The following DGCR8 variants were observed in gnomAD, a reference collection of about 807,000 sequenced individuals.
The protein encoded by DGCR8 is DGCR8 microprocessor complex subunit.
A neutral mutation model predicts 78.5 loss-of-function variants in DGCR8; 14 were observed. The observed-to-expected ratio is 0.18, with a 90% CI of 0.12 to 0.28. The LOEUF is 0.28. DGCR8 is among the 10% of genes least tolerant of loss of function. The pLI is 1.00. For missense variants in DGCR8, 702 were observed against 1,022.5 expected (o/e 0.69, Z 4.28); for synonymous variants, 399 against 402.4 (o/e 0.99, Z 0.10).
intron 1 of DGCR8, among the ~76,000 whole-genome samples, chr22:20,084,641 T>C (rs761146777): frequency 9.2e-5 from 14 of 152,078 alleles, no homozygotes; most frequent in Non-Finnish European, 1.9e-4. Flanking sequence ...TGCCTGGAGG[T>C]CCCCTCTGTT....
At chr22:20,103,163 C>T (rs990236919) in intron 9 of DGCR8, among the ~76,000 whole-genome samples, 4 of 151,684 alleles carry the variant, frequency 2.6e-5, no homozygotes, top group African/African-American at 9.7e-5. Flanking sequence ...AATCTGCCTG[C>T]ATTTTGATTG....
intron 1 of DGCR8, 63 bp downstream of exon 1, chr22:20,080,446 G>C: frequency 1.0e-6 from 1 of 979,926 alleles, no homozygotes; most frequent in Non-Finnish European, 1.2e-6. Flanking sequence ...CTGCGCGAGG[G>C]CGCGCCCTTC....
intron 9 of DGCR8, 112 bp downstream of exon 9, chr22:20,094,907 G>T: frequency 2.3e-6 from 2 of 882,266 alleles, no homozygotes; most frequent in South Asian, 3.0e-5. Context: ...TCCATGCCCT[G>T]TAGGTTAGTC....
intron 9 of DGCR8, chr22:20,101,260 C>T: frequency 1.0e-6 from 1 of 985,416 alleles, no homozygotes; most frequent in Non-Finnish European, 1.2e-6. Flanking sequence ...CTGAGAAGCT[C>T]TTTGACCCTC....
intron 13 of DGCR8, among the ~76,000 whole-genome samples, chr22:20,109,491 G>T (rs1398007435): frequency 6.6e-6 from 1 of 152,200 alleles, no homozygotes; most frequent in Non-Finnish European, 1.5e-5. Context: ...TTTCTTAAGT[G>T]TGGCAGTCCC....
intron 1 of DGCR8, among the ~76,000 whole-genome samples, chr22:20,083,366 G>GGTGT (rs142817386): frequency 0.13 from 19,161 of 149,454 alleles, 1,625 homozygotes; most frequent in Non-Finnish European, 0.18. Context: ...CATCTAGGAT[G>GGTGT]GTGTGTGTGT....
intron 9 of DGCR8, chr22:20,100,439 G>C: frequency 1.0e-6 from 1 of 985,444 alleles, no homozygotes; most frequent in Non-Finnish European, 1.2e-6. Flanking sequence ...GCCCTCTGGG[G>C]AAGTGCTTGC....
chr22:20,100,017 C>T (rs1461793881), intron 9 of DGCR8, among the ~76,000 whole-genome samples: 1 of 152,208 alleles, frequency 6.6e-6, no homozygotes, highest in Non-Finnish European at 1.5e-5. Context: ...TTGCAGACCA[C>T]ATGTGGATCA....
intron 1 of DGCR8, 178 bp downstream of exon 1, chr22:20,080,561 A>C: frequency 2.3e-6 from 2 of 862,232 alleles, no homozygotes; most frequent in Non-Finnish European, 2.8e-6. Context: ...CGGGGTGGGG[A>C]CGCCTCCGGG....
intron 11 of DGCR8, 133 bp downstream of exon 11, chr22:20,106,831 C>T: frequency 1.5e-6 from 1 of 686,188 alleles, no homozygotes; most frequent in South Asian, 1.6e-5. Flanking sequence ...CTGGCCACCA[C>T]ACGTTCAGCC....
In DGCR8 at chr22:20,110,196, C is replaced by T. The variant is rs1053068826; in HGVS notation, c.*88C>T. On this transcript the variant is annotated 3_prime_UTR_variant, in exon 14 of 14. Coordinates refer to ENST00000351989, the MANE Select transcript of DGCR8 (RefSeq NM_022720.7). ...ATGCATCGTGCACCACAGTGTCAGG[C>T]CTCCAACCCACGCTCCTTCCCTGTG... The T allele has an allele frequency of 1.4e-6, 2 of 1,388,280 alleles. No individual in the cohort carries two copies. Among genetic ancestry groups the T allele is most frequent in the Middle Eastern group, 4.0e-4 (2 of 4,998 alleles). The allele number at this position is 1,388,280 out of a possible 1,614,324, so 86.0% of individuals were successfully genotyped here. A position where few individuals can be genotyped will look rare whatever the true frequency, so the allele number is the denominator to read the frequency against.
intron 12 of DGCR8, 134 bp downstream of exon 12, chr22:20,107,532 T>C: frequency 1.8e-6 from 2 of 1,085,478 alleles, no homozygotes; most frequent in Non-Finnish European, 1.3e-6. Context: ...CTGGGCCACT[T>C]GTGTGGCTTT....
intron 7 of DGCR8, 139 bp from the exon 8 acceptor site, chr22:20,092,670 G>C (rs1268249161): frequency 1.6e-6 from 1 of 624,572 alleles, no homozygotes; most frequent in Non-Finnish European, 2.7e-6. Flanking sequence ...GGGAGCCCCA[G>C]GTCTCTGCAG....
In DGCR8 at chr22:20,085,910, A is replaced by G; in HGVS notation, c.-54A>G. The G allele has an allele frequency of 6.7e-7, 1 of 1,483,968 alleles. No homozygotes were observed. The highest frequency in any genetic ancestry group is 2.3e-5 in the Admixed American group (1 of 44,342). 91.9% of individuals were successfully genotyped at this position (1,483,968 alleles called of 1,614,324 possible). ...TTGTGCATGTTAGCTGTGTAGATTT[A>G]TGTGAGGGCTTGTAAAACTCTGGTC... On this transcript the variant is annotated 5_prime_UTR_variant, in exon 2 of 14. An upstream start codon of the reference 5' UTR is lost. Transcript: ENST00000351989. This position sits in a 1 kb window ranked among gnomAD's most constrained non-coding sequence, Gnocchi z 6.2.
At chr22:20,097,336 C>T (rs1044292593) in intron 9 of DGCR8, among the ~76,000 whole-genome samples, 1 of 152,156 alleles carries the variant, frequency 6.6e-6, no homozygotes, top group African/African-American at 2.4e-5. Context: ...TACTTAATTG[C>T]TAATTCAATC....
chr22:20,084,707 A>G (rs1336530057), intron 1 of DGCR8, among the ~76,000 whole-genome samples: 1 of 152,020 alleles, frequency 6.6e-6, no homozygotes, highest in East Asian at 1.9e-4. Flanking sequence ...CCTTGTCTTT[A>G]GTTCCCTCTT....
intron 11 of DGCR8, chr22:20,107,012 C>T (rs1042323449): frequency 1.7e-5 from 10 of 575,204 alleles, no homozygotes; most frequent in African/African-American, 1.3e-4. Flanking sequence ...TGCGTCTTGG[C>T]GGGAGGGAGG....
At chr22:20,083,367 G>C (rs1168224655) in intron 1 of DGCR8, among the ~76,000 whole-genome samples, 1 of 114,016 alleles carries the variant, frequency 8.8e-6, no homozygotes, top group Non-Finnish European at 2.2e-5. Flanking sequence ...ATCTAGGATG[G>C]TGTGTGTGTG....
rs2049529598 is a variant in DGCR8 at position 20,089,702 on chromosome 22, A to G, written c.914A>G (p.Asp305Gly). ...RGRPPTEPLP[D>G]GWIMTFHNSG... ...CGCCCACCTACAGAGCCGCTGCCCG[A>G]CGGGTGGATCATGACATTCCATAAC... The change falls in exon 4 of 14, where the codon GAC (aspartate) becomes GGC (glycine). Residue 305 changes from aspartate to glycine, a missense_variant. Asp to Gly is a moderately conservative substitution (Grantham distance 94). Around this residue, in one of 4 missense-constraint regions of DGCR8, gnomAD observed 356 missense variants for 448.9 expected, o/e 0.79. Coordinates refer to ENST00000351989, the MANE Select transcript of DGCR8 (RefSeq NM_022720.7). The surrounding 1 kb of genome is among the most constrained non-coding windows in gnomAD (Gnocchi z 4.9). 1.2e-6 allele frequency: 2 copies of G among 1,613,672 alleles called. No homozygotes were observed. Among genetic ancestry groups the G allele is most frequent in the East Asian group, 4.5e-5 (2 of 44,852 alleles).
Sources: gnomAD v4.1 joint callset for allele counts (sites outside exome capture counted in the v4.1 genomes callset) on GRCh38, gnomAD v4.1.1 for gene constraint, gnomAD v4.1.1 regional missense constraint, Gnocchi (gnomAD v3.1) non-coding constraint, MANE v1.5 for transcripts, NCBI Gene and HGNC (gene_info 2026-07-23, HGNC 2026-07-21) for gene names.